The following DUSP16 variants were observed in gnomAD, a reference collection of about 807,000 sequenced individuals.
The protein encoded by DUSP16 is dual specificity protein phosphatase 16.
DUSP16 carries 21 observed loss-of-function variants against 58.3 expected under a neutral mutation model. The ratio of observed to expected loss-of-function variants is 0.36; its 90% CI spans 0.26 to 0.52. DUSP16 has a LOEUF of 0.52. Among genes scored for constraint, DUSP16 ranks in the 20% least tolerant of loss-of-function variants. DUSP16 has a pLI of 0.94. For synonymous variants in DUSP16, 320 were observed against 323.8 expected (o/e 0.99, Z 0.12); for missense variants, 726 against 819.0 (o/e 0.89, Z 1.39).
At chr12:12,547,715 T>C (rs934923249) in intron 1 of DUSP16, among the ~76,000 whole-genome samples, 2 of 151,892 alleles carry the variant, frequency 1.3e-5, no homozygotes, top group African/African-American at 4.8e-5. Context: ...ATAAGTAAGA[T>C]CAAAAGTTAG....
At chr12:12,499,430 GAC>G (rs1404660877) in intron 4 of DUSP16, among the ~76,000 whole-genome samples, 1 of 152,180 alleles carries the variant, frequency 6.6e-6, no homozygotes, top group Non-Finnish European at 1.5e-5. Context: ...AGTAAAAGCA[GAC>G]ATATTAACAA....
chr12:12,509,872 T>G (rs1311919256), intron 3 of DUSP16, among the ~76,000 whole-genome samples: 1 of 152,190 alleles, frequency 6.6e-6, no homozygotes, highest in African/African-American at 2.4e-5. Context: ...GCACAAAATC[T>G]GCTTCCTATT....
rs144359649 is a variant in DUSP16 at position 12,538,057 on chromosome 12, G to A, written c.-365-16594C>T. Among the ~76,000 whole-genome samples the A allele has an allele frequency of 2.5e-3, 383 of 152,228 alleles. 2 individuals carry two copies. The highest frequency in any genetic ancestry group is 8.6e-3 in the African/African-American group (359 of 41,534). ...CAGGCCCACCTCTGGAGATTGATTC[G>A]TGGGTCTAGAGTGGAACCTGTGAAT... On this transcript the variant is annotated intron_variant, in intron 1 of 6. Transcript: ENST00000298573.
intron 3 of DUSP16, chr12:12,506,329 G>C (rs1039134523): frequency 6.6e-6 from 1 of 152,332 alleles, no homozygotes; most frequent in East Asian, 1.9e-4. Context: ...CGGAGACAAA[G>C]AATCAAGCGT....
intron 1 of DUSP16, among the ~76,000 whole-genome samples, chr12:12,549,996 A>G (rs1944702395): frequency 6.6e-6 from 1 of 152,168 alleles, no homozygotes; most frequent in African/African-American, 2.4e-5. Context: ...TTATTGATTT[A>G]GATGCGTGTA....
intron 1 of DUSP16, among the ~76,000 whole-genome samples, chr12:12,531,588 A>C (rs1003224800): frequency 2.0e-5 from 3 of 152,366 alleles, no homozygotes; most frequent in Admixed American, 2.0e-4. Context: ...AAGTCTACAC[A>C]ACAAGGAGGT....
chr12:12,527,695 A>C (rs562309002), intron 1 of DUSP16, among the ~76,000 whole-genome samples: 1 of 152,236 alleles, frequency 6.6e-6, no homozygotes. Flanking sequence ...TTAATGTCTG[A>C]TCATATTTCC....
Position 12,562,173 on chromosome 12 carries a change from T to C in DUSP16, c.-422A>G, listed in dbSNP as rs1054449384. 1 of 151,252 alleles carries C rather than the reference T, an allele frequency of 6.6e-6. No homozygotes were observed. Among genetic ancestry groups the C allele is most frequent in the Non-Finnish European group, 1.5e-5 (1 of 67,770 alleles). The allele number at this position is 151,252 out of a possible 1,614,324, so 9.4% of individuals were successfully genotyped here. ...GAGGGAAACGAAAGTTGTCACGGCGTCTCCCCTCGGGCCCCCCTCGCCTCC... is the reference window on the plus strand; with the variant it reads ...GAGGGAAACGAAAGTTGTCACGGCGCCTCCCCTCGGGCCCCCCTCGCCTCC... On this transcript the variant is annotated 5_prime_UTR_variant, in exon 1 of 7. Coordinates refer to ENST00000298573, the MANE Select transcript of DUSP16 (RefSeq NM_030640.3).
At chr12:12,558,294 C>T (rs1425462158) in intron 1 of DUSP16, among the ~76,000 whole-genome samples, 2 of 152,144 alleles carry the variant, frequency 1.3e-5, no homozygotes, top group Non-Finnish European at 2.9e-5. Context: ...CAGCGAATCC[C>T]TCTTTTTATT....
intron 3 of DUSP16, among the ~76,000 whole-genome samples, chr12:12,515,349 TG>T (rs1309919979): frequency 6.7e-6 from 1 of 149,190 alleles, no homozygotes; most frequent in African/African-American, 2.5e-5. Flanking sequence ...TTTTTTGAGA[TG>T]GAGTTTCATT....
At chr12:12,494,355 T>G (rs1023953177) in intron 4 of DUSP16, among the ~76,000 whole-genome samples, 2 of 152,186 alleles carry the variant, frequency 1.3e-5, no homozygotes, top group African/African-American at 4.8e-5. Context: ...ACTATTTATT[T>G]TGAAAAATAA....
intron 1 of DUSP16, among the ~76,000 whole-genome samples, chr12:12,522,360 AC>A (rs1453524992): frequency 1.3e-5 from 2 of 152,152 alleles, no homozygotes; most frequent in Non-Finnish European, 2.9e-5. Flanking sequence ...TTAAAGCTGA[AC>A]CCAGTGCTTC....
At chr12:12,511,211 G>A (rs941554266) in intron 3 of DUSP16, among the ~76,000 whole-genome samples, 2 of 152,134 alleles carry the variant, frequency 1.3e-5, no homozygotes, top group African/African-American at 4.8e-5. Context: ...GCAACCTGGG[G>A]GAGGAATAAC....
At chr12:12,534,479 T>C (rs1944437928) in intron 1 of DUSP16, among the ~76,000 whole-genome samples, 1 of 152,184 alleles carries the variant, frequency 6.6e-6, no homozygotes, top group Non-Finnish European at 1.5e-5. Context: ...TTTTTCCACT[T>C]TGTCCTTTCC....
rs532108305 is a variant in DUSP16 at position 12,539,241 on chromosome 12, G to A, written c.-365-17778C>T. 9.9e-5 allele frequency among the ~76,000 whole-genome samples: 15 copies of A among 152,220 alleles called. No homozygotes were observed. The South Asian group carries it at 2.9e-3, about 29-fold the overall frequency. On this transcript the variant is annotated intron_variant, in intron 1 of 6. Coordinates refer to ENST00000298573, the MANE Select transcript of DUSP16 (RefSeq NM_030640.3). Reference sequence around the variant, plus strand: ...CGATGTTTTATATGTTGAAAGTCTGGAATTCTGAATATTTTATTATGTAAG... The same window carrying A: ...CGATGTTTTATATGTTGAAAGTCTGAAATTCTGAATATTTTATTATGTAAG...
At chr12:12,560,135 T>C (rs1286523961) in intron 1 of DUSP16, among the ~76,000 whole-genome samples, 1 of 152,184 alleles carries the variant, frequency 6.6e-6, no homozygotes, top group Non-Finnish European at 1.5e-5. Context: ...GTTCTGTTCC[T>C]AGCCCCCTCC....
chr12:12,541,808 A>G (rs1044995814), intron 1 of DUSP16, among the ~76,000 whole-genome samples: 7 of 141,684 alleles, frequency 4.9e-5, no homozygotes, highest in Admixed American at 1.4e-4. Flanking sequence ...AAACCTGCAC[A>G]TATACCCCAA....
Position 12,519,278 on chromosome 12 carries a change from T to G in DUSP16, c.367+584A>C, listed in dbSNP as rs1039190186. Among the ~76,000 whole-genome samples the G allele has an allele frequency of 8.5e-5, 13 of 152,200 alleles. No individual in the cohort carries two copies. The South Asian group carries it at 2.7e-3, about 31-fold the overall frequency. ...ATCTGGTTGCTTAGCATTTCTACGT[T>G]GAGACTTTTTTTTAATTATAAAACA... On this transcript the variant is annotated intron_variant, in intron 3 of 6. Transcript: ENST00000298573.
At chr12:12,519,828 TTC>T (rs752726089) in intron 3 of DUSP16, 32 bp downstream of exon 3, 3 of 1,612,408 alleles carry the variant, frequency 1.9e-6, no homozygotes, top group Non-Finnish European at 2.5e-6. Flanking sequence ...CTCAGCAAGA[TTC>T]TGAGTCCTTT....
Sources: gnomAD v4.1 joint callset for allele counts (sites outside exome capture counted in the v4.1 genomes callset) on GRCh38, gnomAD v4.1.1 for gene constraint, MANE v1.5 for transcripts, NCBI Gene and HGNC (gene_info 2026-07-23, HGNC 2026-07-21) for gene names.